Variants in MCF2L observed in about 807,000 individuals in gnomAD.
MCF2L encodes guanine nucleotide exchange factor DBS.
In MCF2L, 97 loss-of-function variants were observed where a neutral mutation model predicts 153.4. The observed-to-expected ratio is 0.63, with a 90% confidence interval of 0.54 to 0.75. MCF2L has a LOEUF of 0.75. Ranked by LOEUF, MCF2L falls within the 30% of genes least tolerant of loss-of-function variation. The probability of loss-of-function intolerance (pLI) is 0.00; values close to 1 mark genes in which losing one functional copy is unlikely to be tolerated. For synonymous variants in MCF2L, 659 were observed against 632.2 expected, an observed-to-expected ratio of 1.04 and a Z score of -0.64; for missense variants, 1,347 against 1,495.2, an observed-to-expected ratio of 0.90 and a Z score of 1.64.
chr13:112,909,261 G>C (rs1258216643), intron 2 of MCF2L: 1 of 779,738 alleles, frequency 1.3e-6, no homozygotes, highest in East Asian at 2.4e-5. Flanking sequence ...AGAGGTCTCG[G>C]CATCTCGTCC....
At chr13:113,052,659 A>G (rs1376395468) in intron 4 of MCF2L, 1 of 156,458 alleles carries the variant, frequency 6.4e-6, no homozygotes, top group Non-Finnish European at 1.5e-5. Context: ...TTTTCCTCTC[A>G]ACTTTCAGTT....
rs1227753342 is a variant in MCF2L at position 112,960,323 on chromosome 13, C to T, written c.170-54440C>T. 1.3e-5 allele frequency among the ~76,000 whole-genome samples: 2 copies of T among 152,156 alleles called. No individual in the cohort carries two copies. Among genetic ancestry groups the T allele is most frequent in the Non-Finnish European group, 2.9e-5 (2 of 68,032 alleles). On this transcript the variant is annotated intron_variant, in intron 2 of 29. Transcript: ENST00000375608. The surrounding 1 kb of genome is among the most constrained non-coding windows in gnomAD (Gnocchi z 4.2). ...GCGCTCTCACAACTGAAACAGCGCTCGTCCAGTCATGAGGGCAGGGTCCTC... is the reference window on the plus strand; with the variant it reads ...GCGCTCTCACAACTGAAACAGCGCTTGTCCAGTCATGAGGGCAGGGTCCTC...
chr13:112,949,388 A>T (rs1335171088), intron 2 of MCF2L, among the ~76,000 whole-genome samples: 4 of 152,232 alleles, frequency 2.6e-5, no homozygotes, highest in African/African-American at 7.2e-5. Flanking sequence ...CATCTCATGA[A>T]GCCAGTATTA....
chr13:113,004,176 C>T lies in MCF2L; in HGVS notation c.80-10587C>T, dbSNP rs774945436. Reference sequence around the variant, plus strand: ...GAGGTTTGGCTCTGGCATGACCCTCCGGGGCACAAGTGTCCTCGGGGAGCT... The same window carrying T: ...GAGGTTTGGCTCTGGCATGACCCTCTGGGGCACAAGTGTCCTCGGGGAGCT... On this transcript the variant is annotated intron_variant, in intron 1 of 29. Coordinates refer to ENST00000535094, the MANE Select transcript of MCF2L (RefSeq NM_001112732.3). Among the ~76,000 whole-genome samples, 10 of 152,302 alleles carry T rather than the reference C, an allele frequency of 6.6e-5. No individual in the cohort carries two copies. The East Asian group carries it at 7.7e-4, about 12-fold the overall frequency.
chr13:112,955,069 C>T (rs1417153258), intron 2 of MCF2L, among the ~76,000 whole-genome samples: 2 of 152,166 alleles, frequency 1.3e-5, no homozygotes, highest in African/African-American at 4.8e-5. Flanking sequence ...GGCAACATGG[C>T]CGGGACCCTG....
chr13:113,021,210 ATG>A (rs1276422724), intron 2 of MCF2L, among the ~76,000 whole-genome samples: 26 of 151,978 alleles, frequency 1.7e-4, no homozygotes, highest in African/African-American at 4.1e-4. Context: ...CTGTGTACAT[ATG>A]TGTGTGTTTA....
In MCF2L at chr13:113,045,300, T is replaced by G. The variant is rs778205605; in HGVS notation, c.308T>G (p.Leu103Arg). The G allele has an allele frequency of 6.2e-7, 1 of 1,614,088 alleles. No individual in the cohort carries two copies. Among genetic ancestry groups the G allele is most frequent in the Non-Finnish European group, 8.5e-7 (1 of 1,180,028 alleles). The change falls in exon 4 of 30, where the codon CTG (leucine) becomes CGG (arginine). Residue 103 changes from leucine (L) to arginine (R), a missense_variant. Leu to Arg is a moderately radical substitution (Grantham distance 102, BLOSUM62 -2). Around this residue, in one of 3 missense-constraint regions of MCF2L, gnomAD observed 820 missense variants for 921.2 expected, o/e 0.89. Coordinates refer to ENST00000535094, the MANE Select transcript of MCF2L (RefSeq NM_001112732.3). The surrounding 1 kb of genome is among the most constrained non-coding windows in gnomAD (Gnocchi z 4.2). ...CAGGACGCTGGCATCGGATTCATCC[T>G]GGTGATAGACCGGCGACGGGACAAA... is the stretch of plus-strand genomic sequence containing the variant. ...SLQDAGIGFI[L>R]VIDRRRDKWT... is the part of the protein sequence containing the mutation.
chr13:113,087,436 A>G lies in MCF2L; in HGVS notation c.2575A>G (p.Ser859Gly). The change falls in exon 22 of 30, where the codon AGC (serine) becomes GGC (glycine). Residue 859 changes from serine (S) to glycine (G), a missense_variant. By Grantham distance (56) the Ser-to-Gly change is moderately conservative. Coordinates refer to ENST00000535094, the MANE Select transcript of MCF2L (RefSeq NM_001112732.3). ...GGGGTATGAGAAAGCTCCCTCCTAC[A>G]GCTACAAGCAGTCCTTAAACGTAAG... The part of the protein sequence containing the change: ...GEGYEKAPSY[S>G]YKQSLNMAAV... 1.2e-6 allele frequency: 2 copies of G among 1,610,286 alleles called. No homozygotes were observed. Among genetic ancestry groups the G allele is most frequent in the East Asian group, 4.5e-5 (2 of 44,768 alleles).
intron 1 of MCF2L, chr13:112,979,812 AG>A (rs2082341832): frequency 6.5e-7 from 1 of 1,530,086 alleles, no homozygotes; most frequent in South Asian, 1.2e-5. Context: ...TCCCCTCTGC[AG>A]GTGTCCTCTC....
intron 18 of MCF2L, among the ~76,000 whole-genome samples, 185 bp downstream of exon 18, chr13:113,084,252 AC>A (rs1022973992): frequency 1.7e-4 from 25 of 151,486 alleles, no homozygotes; most frequent in African/African-American, 5.6e-4. Flanking sequence ...AACCTCCTGA[AC>A]CCCAGAAAAC....
intron 2 of MCF2L, among the ~76,000 whole-genome samples, chr13:112,908,235 C>T (rs1033794078): frequency 6.6e-6 from 1 of 152,198 alleles, no homozygotes; most frequent in African/African-American, 2.4e-5. Flanking sequence ...CTCTGACTCA[C>T]CAGGGCTCCT....
intron 2 of MCF2L, among the ~76,000 whole-genome samples, chr13:112,905,782 T>G (rs935082253): frequency 1.3e-5 from 2 of 152,218 alleles, no homozygotes; most frequent in Non-Finnish European, 2.9e-5. Flanking sequence ...TCTTCACACA[T>G]TCATCCACGG....
intron 3 of MCF2L, among the ~76,000 whole-genome samples, chr13:113,032,023 A>G (rs952705963): frequency 6.6e-6 from 1 of 152,148 alleles, no homozygotes; most frequent in African/African-American, 2.4e-5. Context: ...TACACACCAC[A>G]TGCATGCACA....
chr13:112,964,407 C>G (rs2081869178), upstream of MCF2L, among the ~76,000 whole-genome samples: 1 of 152,244 alleles, frequency 6.6e-6, no homozygotes, highest in Non-Finnish European at 1.5e-5. Context: ...CTCCCTGCGA[C>G]AGGGAACCCC....
intron 19 of MCF2L, 46 bp downstream of exon 19, chr13:113,085,030 C>T (rs945325539): frequency 5.0e-6 from 8 of 1,611,048 alleles, no homozygotes; most frequent in South Asian, 2.2e-5. Context: ...CTTTCCTAGC[C>T]GACTCCTGAG....
chr13:112,899,167 G>A (rs576525895), intron 1 of MCF2L, among the ~76,000 whole-genome samples: 2 of 152,378 alleles, frequency 1.3e-5, no homozygotes, highest in African/African-American at 4.8e-5. Flanking sequence ...GCTTCCGTGG[G>A]GCTGGGCCGA....
chr13:112,979,810 G>C, intron 1 of MCF2L: 1 of 1,537,572 alleles, frequency 6.5e-7, no homozygotes, highest in Non-Finnish European at 8.8e-7. Context: ...TGTCCCCTCT[G>C]CAGGTGTCCT....
intron 1 of MCF2L, among the ~76,000 whole-genome samples, chr13:112,975,918 C>A (rs1296569077): frequency 9.7e-6 from 1 of 102,658 alleles, no homozygotes; most frequent in African/African-American, 3.9e-5. Flanking sequence ...TCTGCCATAG[C>A]AAGCTCCTGG....
chr13:113,097,125 C>T lies in MCF2L; in HGVS notation c.*266C>T, dbSNP rs1436099352. The T allele has an allele frequency of 6.0e-6, 2 of 333,430 alleles. No individual in the cohort carries two copies. Among genetic ancestry groups the T allele is most frequent in the Non-Finnish European group, 1.1e-5 (2 of 184,604 alleles). The allele number at this position is 333,430 out of a possible 1,614,324, so 20.7% of individuals were successfully genotyped here. A position where few individuals can be genotyped will look rare whatever the true frequency, so the allele number is the denominator to read the frequency against. On this transcript the variant is annotated 3_prime_UTR_variant, in exon 30 of 30. Coordinates refer to ENST00000535094, the MANE Select transcript of MCF2L (RefSeq NM_001112732.3). ...CGGCAGGCGCCGGGCAGCGGCATCT[C>T]GTCCTGGCTCCACCGTGCTGCTTCT...
Sources: allele counts gnomAD v4.1 joint callset (sites outside exome capture counted in the v4.1 genomes callset), GRCh38; gene constraint gnomAD v4.1.1; regional missense constraint gnomAD v4.1.1; non-coding constraint Gnocchi (gnomAD v3.1); transcripts MANE v1.5; gene names NCBI Gene and HGNC (gene_info 2026-07-23, HGNC 2026-07-21).